Variants in ATG13 observed in about 807,000 individuals in gnomAD.
ATG13 encodes autophagy-related protein 13.
In ATG13, 23 loss-of-function variants were observed where a neutral mutation model predicts 65.5. That is an observed-to-expected ratio of 0.35 (90% CI 0.25 to 0.50). The LOEUF is 0.50. Ranked by LOEUF, ATG13 falls within the 20% of genes least tolerant of loss-of-function variation. ATG13 has a pLI of 0.98. For synonymous variants in ATG13, 252 were observed against 245.2 expected, an observed-to-expected ratio of 1.03 and a Z score of -0.26; for missense variants, 566 against 677.0, an observed-to-expected ratio of 0.84 and a Z score of 1.82.
intron 8 of ATG13, chr11:46,656,842 G>T: frequency 2.1e-6 from 1 of 467,600 alleles, no homozygotes; most frequent in Non-Finnish European, 3.8e-6. Flanking sequence ...TCTATAAATA[G>T]AGTGCTGTTT....
At chr11:46,626,912 T>C (rs1378313314) in intron 1 of ATG13, among the ~76,000 whole-genome samples, 8 of 152,188 alleles carry the variant, frequency 5.3e-5, no homozygotes, top group Non-Finnish European at 8.8e-5. Flanking sequence ...AAAAAAGGAC[T>C]ATGTCAGGAA....
Position 46,622,108 on chromosome 11 carries a change from TATATATATATATATATA to T in ATG13, c.-70+4219_-70+4235del, listed in dbSNP as rs1565398290. Among the ~76,000 whole-genome samples the T allele has an allele frequency of 1.3e-3, 153 of 121,408 alleles. 2 individuals are homozygous for T. Among genetic ancestry groups the T allele is most frequent in the African/African-American group, 4.3e-3 (135 of 31,514 alleles). The allele number at this position is 121,408 out of a possible 152,430, so 79.6% of individuals were successfully genotyped here. On this transcript the variant is annotated intron_variant, in intron 1 of 18. Coordinates refer to ENST00000683050, the MANE Select transcript of ATG13 (RefSeq NM_001346311.2). Reference sequence around the variant, plus strand: ...ATATATATATATATATATATATATATATATATATATATATATATATTTATTTTAGAGATGGTATTTGC... The same window carrying T: ...ATATATATATATATATATATATATATTATTTATTTTAGAGATGGTATTTGC...
At chr11:46,667,316 C>A (rs1417212399) in intron 14 of ATG13, among the ~76,000 whole-genome samples, 2 of 152,148 alleles carry the variant, frequency 1.3e-5, no homozygotes, top group African/African-American at 2.4e-5. Context: ...TGCTTAGGGC[C>A]CCCTGTGCAG....
chr11:46,672,310 C>A lies in ATG13; in HGVS notation c.1631C>A (p.Ala544Asp), dbSNP rs148029215. 8.7e-5 allele frequency: 140 copies of A among 1,614,214 alleles called. No individual in the cohort carries two copies. In the African/African-American group the frequency reaches 1.8e-3, roughly 20 times the overall value. The change falls in exon 19 of 19, where the codon GCC becomes GAC. Residue 544 changes from alanine (A) to aspartate (D), a missense_variant. Ala to Asp is a moderately radical substitution (Grantham distance 126, BLOSUM62 -2). This residue lies in a region of ATG13 where 387 missense variants were observed against 409.8 expected (regional missense o/e 0.94). Coordinates refer to ENST00000683050, the MANE Select transcript of ATG13 (RefSeq NM_001346311.2). ...VHEKNVREFD[A>D]FVETLQ ...GAGAAGAATGTCCGCGAGTTTGATGCCTTTGTGGAAACCCTGCAGTAAAAG... is the reference window on the plus strand; with the variant it reads ...GAGAAGAATGTCCGCGAGTTTGATGACTTTGTGGAAACCCTGCAGTAAAAG...
intron 16 of ATG13, 86 bp downstream of exon 16, chr11:46,668,662 A>T (rs564758121): frequency 1.3e-6 from 2 of 1,522,326 alleles, no homozygotes; most frequent in East Asian, 4.5e-5. Context: ...TCCCCCACAG[A>T]CTATAAACCA....
chr11:46,643,535 C>T (rs1591781730), intron 2 of ATG13, among the ~76,000 whole-genome samples: 1 of 151,994 alleles, frequency 6.6e-6, no homozygotes, highest in African/African-American at 2.4e-5. Context: ...ATTGTTTATA[C>T]CTCTTTGTTC....
intron 18 of ATG13, 104 bp downstream of exon 18, chr11:46,669,636 A>G: frequency 2.2e-6 from 3 of 1,346,116 alleles, no homozygotes; most frequent in Non-Finnish European, 3.1e-6. Context: ...TGTAATAGGA[A>G]AGAGACATAA....
chr11:46,619,003 A>G (rs1212287313), intron 1 of ATG13, among the ~76,000 whole-genome samples: 1 of 152,088 alleles, frequency 6.6e-6, no homozygotes. Context: ...ATCTCGAAGG[A>G]AGTTTACTTG....
intron 11 of ATG13, among the ~76,000 whole-genome samples, chr11:46,663,023 T>C (rs2061498513): frequency 6.6e-6 from 1 of 152,132 alleles, no homozygotes; most frequent in African/African-American, 2.4e-5. Flanking sequence ...CCCAGCACTT[T>C]GGGAGGCCGA....
Position 46,663,987 on chromosome 11 carries a change from C to A in ATG13, c.790-10C>A. ...TTGTTTCTCCTGTCTCTGTGTGTGT[C>A]TGTGCACAGTGTGTGTTTACTGTCA... On this transcript the variant is annotated splice_polypyrimidine_tract_variant and intron_variant, in intron 11 of 18. Transcript: ENST00000683050. The A allele has an allele frequency of 7.1e-6, 8 of 1,130,234 alleles. No homozygotes were observed. Among genetic ancestry groups the A allele is most frequent in the East Asian group, 2.9e-5 (1 of 34,916 alleles). The allele number at this position is 1,130,234 out of a possible 1,614,324, so 70.0% of individuals were successfully genotyped here. A position where few individuals can be genotyped will look rare whatever the true frequency, so the allele number is the denominator to read the frequency against.
chr11:46,645,403 C>T lies in ATG13; in HGVS notation c.134C>T (p.Pro45Leu). Residue 45 changes from proline (P) to leucine (L), a missense_variant, in exon 4 of 19, where the codon CCA (proline) becomes CTA (leucine). Physicochemically the swap from Pro to Leu is moderately conservative, Grantham distance 98. This residue lies in a region of ATG13 where 179 missense variants were observed against 267.2 expected (regional missense o/e 0.67). Transcript: ENST00000683050. The stretch of plus-strand genomic sequence containing the variant: ...ATTTGCACTCGTTCATCATCTTCTC[C>T]AACGGGTTCAGATTGGGTAAAATTC... ...EKICTRSSSS[P>L]TGSDWFNLAI... The T allele has an allele frequency of 6.2e-7, 1 of 1,613,686 alleles. No homozygotes were observed. Among genetic ancestry groups the T allele is most frequent in the Non-Finnish European group, 8.5e-7 (1 of 1,179,816 alleles).
At chr11:46,656,946 CACAT>C (rs746185632) in intron 8 of ATG13, 145 bp from the exon 9 acceptor site, 85 of 680,742 alleles carry the variant, frequency 1.2e-4, no homozygotes, top group Non-Finnish European at 2.0e-4. Flanking sequence ...CACACACACA[CACAT>C]ATGAAATTAA....
At chr11:46,634,360 A>G (rs2053146498) in intron 2 of ATG13, among the ~76,000 whole-genome samples, 1 of 151,200 alleles carries the variant, frequency 6.6e-6, no homozygotes, top group African/African-American at 2.4e-5. Flanking sequence ...GGCCTCCCAA[A>G]GTGCTGGGAT....
At chr11:46,661,517 CAAAA>C (rs61349471) in intron 11 of ATG13, among the ~76,000 whole-genome samples, 2 of 106,594 alleles carry the variant, frequency 1.9e-5, no homozygotes. Context: ...GACTCCGTCT[CAAAA>C]AAAAAAAAAA....
At chr11:46,645,464 A>G in intron 4 of ATG13, 45 bp downstream of exon 4, 2 of 1,535,270 alleles carry the variant, frequency 1.3e-6, no homozygotes, top group Non-Finnish European at 1.8e-6. Flanking sequence ...AGTGTTTGTC[A>G]CAAGGAATGT....
chr11:46,622,792 A>G (rs938930540), intron 1 of ATG13, among the ~76,000 whole-genome samples: 3 of 152,190 alleles, frequency 2.0e-5, no homozygotes, highest in Admixed American at 6.5e-5. Context: ...TTAGATTCCA[A>G]CACTTGTTGA....
chr11:46,661,492 C>G (rs554708477), intron 11 of ATG13, among the ~76,000 whole-genome samples: 2 of 137,780 alleles, frequency 1.5e-5, no homozygotes, highest in East Asian at 4.4e-4. Context: ...CACTCTAGCC[C>G]GGGCAACAGA....
At chr11:46,667,977 T>A in intron 15 of ATG13, 90 bp downstream of exon 15, 2 of 982,244 alleles carry the variant, frequency 2.0e-6, no homozygotes, top group Non-Finnish European at 3.1e-6. Flanking sequence ...GATATTAATA[T>A]ATATGAAACT....
At chr11:46,653,136 T>C (rs547190926) in intron 7 of ATG13, among the ~76,000 whole-genome samples, 3 of 152,212 alleles carry the variant, frequency 2.0e-5, no homozygotes, top group African/African-American at 7.2e-5. Context: ...TGTAGTACTT[T>C]TGTGCTTTGT....
Sources: gnomAD v4.1 joint callset for allele counts (sites outside exome capture counted in the v4.1 genomes callset) on GRCh38, gnomAD v4.1.1 for gene constraint, gnomAD v4.1.1 regional missense constraint, MANE v1.5 for transcripts, NCBI Gene and HGNC (gene_info 2026-07-23, HGNC 2026-07-21) for gene names.